SCHIP1: variants seen among roughly 807,000 people sequenced by gnomAD.
The protein encoded by SCHIP1 is schwannomin interacting protein 1.
A neutral mutation model predicts 29.7 loss-of-function variants in SCHIP1; 8 were observed. The ratio of observed to expected loss-of-function variants is 0.27; its 90% CI spans 0.16 to 0.49. The LOEUF is 0.49. Ranked by LOEUF, SCHIP1 falls within the 20% of genes least tolerant of loss-of-function variation. The pLI is 0.99. For missense variants in SCHIP1, 193 were observed against 294.6 expected (o/e 0.66, Z 2.52); for synonymous variants, 76 against 94.9 (o/e 0.80, Z 1.16).
chr3:159,396,705 G>A, the SCHIP1 span, among the ~76,000 whole-genome samples: 2 of 152,066 alleles, frequency 1.3e-5, no homozygotes. Flanking sequence ...TAGTCTGATG[G>A]GCTTCCCTTT....
At chr3:159,467,580 A>C in the SCHIP1 span, among the ~76,000 whole-genome samples, 2 of 152,092 alleles carry the variant, frequency 1.3e-5, no homozygotes, top group Admixed American at 6.6e-5. Context: ...AATGTTTGAA[A>C]CCAAAGCATG....
chr3:159,789,747 T>TCA, the SCHIP1 span, among the ~76,000 whole-genome samples: 1 of 152,234 alleles, frequency 6.6e-6, no homozygotes, highest in Non-Finnish European at 1.5e-5. Context: ...CAGAAACTGA[T>TCA]TTTGTTATCA....
the SCHIP1 span, among the ~76,000 whole-genome samples, chr3:159,657,654 C>T: frequency 6.6e-6 from 1 of 152,162 alleles, no homozygotes; most frequent in Non-Finnish European, 1.5e-5. Context: ...ACCTTCCAGG[C>T]GTAAGTTTAA....
the SCHIP1 span, among the ~76,000 whole-genome samples, chr3:159,483,484 G>T: frequency 6.6e-6 from 1 of 152,088 alleles, no homozygotes; most frequent in South Asian, 2.1e-4. Context: ...GCTGAAATGT[G>T]GTGCTAAGGA....
intron 6 of SCHIP1, 86 bp downstream of exon 7, chr3:159,892,276 C>T (rs753717760): frequency 6.8e-7 from 1 of 1,472,412 alleles, no homozygotes; most frequent in Admixed American, 1.9e-5. Context: ...CTCAAGAGAA[C>T]TTCTTCCTCT....
At chr3:159,482,798 C>T in the SCHIP1 span, among the ~76,000 whole-genome samples, 3 of 152,050 alleles carry the variant, frequency 2.0e-5, no homozygotes, top group African/African-American at 4.8e-5. Flanking sequence ...ACTACCACCT[C>T]GGGATAAGCA....
At chr3:159,721,170 T>C in the SCHIP1 span, among the ~76,000 whole-genome samples, 44,063 of 152,050 alleles carry the variant, frequency 0.29, 9,408 homozygotes, top group African/African-American at 0.6. Context: ...GCATATATAA[T>C]GATAAAAGCA....
At chr3:159,826,918 G>T in the SCHIP1 span, among the ~76,000 whole-genome samples, 1 of 152,208 alleles carries the variant, frequency 6.6e-6, no homozygotes, top group South Asian at 2.1e-4. Flanking sequence ...TGAATCTTCT[G>T]TGACTGATGG....
intron 1 of SCHIP1, among the ~76,000 whole-genome samples, chr3:159,852,302 G>C (rs1560082553): frequency 6.6e-6 from 1 of 152,234 alleles, no homozygotes. Flanking sequence ...GTGTAAGATG[G>C]TGTTGCTAAA....
chr3:159,626,180 C>CTAGATAGA, the SCHIP1 span, among the ~76,000 whole-genome samples: 144 of 92,326 alleles, frequency 1.6e-3, 2 homozygotes, highest in Non-Finnish European at 2.2e-3. Flanking sequence ...ATCTATCTAT[C>CTAGATAGA]TAGATAGATA....
the SCHIP1 span, among the ~76,000 whole-genome samples, chr3:159,567,537 T>C: frequency 1.4e-4 from 22 of 152,156 alleles, no homozygotes; most frequent in African/African-American, 4.8e-4. Flanking sequence ...CCTGTCTCAG[T>C]ACCTCCTTCC....
the SCHIP1 span, among the ~76,000 whole-genome samples, chr3:159,644,436 G>A: frequency 5.1e-4 from 77 of 152,118 alleles, no homozygotes; most frequent in Admixed American, 9.8e-4. Context: ...TTGTTTTCTC[G>A]ACCCTGTCCA....
the SCHIP1 span, among the ~76,000 whole-genome samples, chr3:159,648,280 G>A: frequency 6.6e-6 from 1 of 152,130 alleles, no homozygotes; most frequent in Non-Finnish European, 1.5e-5. Flanking sequence ...ACATCTGCCT[G>A]ACATTCAGGC....
chr3:159,475,803 A>G, the SCHIP1 span, among the ~76,000 whole-genome samples: 1 of 152,280 alleles, frequency 6.6e-6, no homozygotes, highest in East Asian at 1.9e-4. Flanking sequence ...CCAGTTGGAT[A>G]TAATTAGGAA....
the SCHIP1 span, among the ~76,000 whole-genome samples, chr3:159,415,609 C>T: frequency 6.6e-6 from 1 of 152,124 alleles, no homozygotes; most frequent in Non-Finnish European, 1.5e-5. Context: ...CATCCATGTT[C>T]CCACAAAAGA....
the SCHIP1 span, among the ~76,000 whole-genome samples, chr3:159,672,913 G>A: frequency 6.6e-6 from 1 of 152,348 alleles, no homozygotes; most frequent in East Asian, 1.9e-4. Context: ...AGTAATAGAA[G>A]TGGTGGTGGC....
At chr3:159,887,738 G>A in exon 4 of SCHIP1, 2 of 1,614,012 alleles carry the variant, frequency 1.2e-6, no homozygotes. Flanking sequence ...TTCTGATAGA[G>A]ACACTACTGA....
chr3:159,740,535 A>G, the SCHIP1 span, among the ~76,000 whole-genome samples: 2 of 152,100 alleles, frequency 1.3e-5, no homozygotes, highest in African/African-American at 4.8e-5. Flanking sequence ...CAGAAAGGAG[A>G]TAGAGTCAGC....
chr3:159,769,301 C>G, the SCHIP1 span, among the ~76,000 whole-genome samples: 1 of 152,104 alleles, frequency 6.6e-6, no homozygotes, highest in Non-Finnish European at 1.5e-5. Context: ...GGGGCACTGC[C>G]TCAGTGTACT....
Sources: gnomAD v4.1 joint callset for allele counts (sites outside exome capture counted in the v4.1 genomes callset) on GRCh38, gnomAD v4.1.1 for gene constraint, MANE v1.5 for transcripts, NCBI Gene and HGNC (gene_info 2026-07-23, HGNC 2026-07-21) for gene names.